The following TRAPPC8 variants were observed in gnomAD, a reference collection of about 807,000 sequenced individuals.
TRAPPC8 encodes trafficking protein particle complex subunit 8.
TRAPPC8 carries 54 observed loss-of-function variants against 174.3 expected under a neutral mutation model. That is an observed-to-expected ratio of 0.31 (90% CI 0.25 to 0.39). TRAPPC8 has a LOEUF of 0.39. Among genes scored for constraint, TRAPPC8 ranks in the 10% least tolerant of loss-of-function variants. The pLI is 1.00. For missense variants in TRAPPC8, 1,531 were observed against 1,699.1 expected (o/e 0.90, Z 1.74); for synonymous variants, 630 against 579.9 (o/e 1.09, Z -1.24).
chr18:31,830,654 A>G lies in TRAPPC8; in HGVS notation c.*101T>C, dbSNP rs2032304986. The G allele has an allele frequency of 1.0e-6, 1 of 977,844 alleles. No homozygotes were observed. Among genetic ancestry groups the G allele is most frequent in the Non-Finnish European group, 1.5e-6 (1 of 665,292 alleles). 60.6% of individuals were successfully genotyped at this position (977,844 alleles called of 1,614,324 possible). On this transcript the variant is annotated 3_prime_UTR_variant, in exon 29 of 29. Coordinates refer to ENST00000283351, the MANE Select transcript of TRAPPC8 (RefSeq NM_014939.5). ...TCAAAGTATTTTGCAGGGATCAGAT[A>G]TCAATCAACCTCCATAACAAGTTAG...
At chr18:31,882,110 C>T (rs1041211669) in intron 12 of TRAPPC8, among the ~76,000 whole-genome samples, 2 of 152,002 alleles carry the variant, frequency 1.3e-5, no homozygotes, top group Non-Finnish European at 2.9e-5. Context: ...AGGTATGTAC[C>T]CAAAGAAAAG....
chr18:31,854,402 G>T (rs1199986003), intron 21 of TRAPPC8, among the ~76,000 whole-genome samples: 1 of 152,010 alleles, frequency 6.6e-6, no homozygotes, highest in African/African-American at 2.4e-5. Flanking sequence ...TAAGTAGCAT[G>T]TATTTTTTTA....
intron 9 of TRAPPC8, among the ~76,000 whole-genome samples, chr18:31,901,987 T>C (rs572550568): frequency 4.6e-5 from 7 of 152,334 alleles, no homozygotes; most frequent in Admixed American, 3.3e-4. Flanking sequence ...TCTTTGTCAC[T>C]GTAGTATTTG....
chr18:31,832,912 A>T (rs919897638), intron 27 of TRAPPC8, among the ~76,000 whole-genome samples: 1 of 152,254 alleles, frequency 6.6e-6, no homozygotes, highest in Non-Finnish European at 1.5e-5. Context: ...TAGTAACCGT[A>T]TAAGTTCATA....
Position 31,909,705 on chromosome 18 carries a change from T to C in TRAPPC8, c.827A>G (p.Asn276Ser), listed in dbSNP as rs759010143. ...ATCTAATCCATCCAATGAAAGCAAG[T>C]TATTATCAGAATTCTTATTTGAAGT... ...TITSNKNSDN[N>S]LLSLDGLDNE... The change falls in exon 6 of 29, where the codon AAC (asparagine) becomes AGC (serine). Residue 276 changes from asparagine to serine, a missense_variant. Physicochemically the swap from Asn to Ser is conservative, Grantham distance 46. Transcript: ENST00000283351. 8 of 1,601,200 alleles carry C rather than the reference T, an allele frequency of 5.0e-6. No homozygotes were observed. Among genetic ancestry groups the C allele is most frequent in the Non-Finnish European group, 6.8e-6 (8 of 1,176,482 alleles).
At chr18:31,851,281 T>C (rs2033689799) in intron 24 of TRAPPC8, among the ~76,000 whole-genome samples, 1 of 152,114 alleles carries the variant, frequency 6.6e-6, no homozygotes, top group Non-Finnish European at 1.5e-5. Context: ...ACCCAAGATA[T>C]AATCAACCAG....
chr18:31,910,682 T>C (rs961184114), intron 5 of TRAPPC8, among the ~76,000 whole-genome samples: 7 of 152,210 alleles, frequency 4.6e-5, no homozygotes, highest in African/African-American at 1.7e-4. Context: ...GACGCAGTCA[T>C]TCGTAAGTTT....
chr18:31,921,976 CT>C (rs1184730870), intron 2 of TRAPPC8, among the ~76,000 whole-genome samples: 2 of 152,194 alleles, frequency 1.3e-5, no homozygotes, highest in African/African-American at 4.8e-5. Flanking sequence ...ATGAGTGCTT[CT>C]GCCTCTTTAA....
At chr18:31,931,791 G>T (rs1213111821) in intron 1 of TRAPPC8, among the ~76,000 whole-genome samples, 1 of 152,124 alleles carries the variant, frequency 6.6e-6, no homozygotes, top group Non-Finnish European at 1.5e-5. Flanking sequence ...CCTATGTTTG[G>T]AGTTGCCAGA....
At position 31,879,456 on chromosome 18, in the gene TRAPPC8, C is replaced by T. The variant is rs530692972; in HGVS notation, c.1729-4752G>A. 2.0e-5 allele frequency among the ~76,000 whole-genome samples: 3 copies of T among 152,172 alleles called. No homozygotes were observed. In the South Asian group the frequency reaches 6.2e-4, roughly 32 times the overall value. Reference sequence around the variant, plus strand: ...AACACAGAAACACAACATATCAATACCTCTTGGATACAGCAAAAGCAGTGT... The same window carrying T: ...AACACAGAAACACAACATATCAATATCTCTTGGATACAGCAAAAGCAGTGT... On this transcript the variant is annotated intron_variant, in intron 12 of 28. Transcript: ENST00000283351.
intron 27 of TRAPPC8, among the ~76,000 whole-genome samples, chr18:31,835,965 G>A (rs1389466875): frequency 2.0e-5 from 3 of 152,148 alleles, no homozygotes; most frequent in African/African-American, 7.2e-5. Flanking sequence ...TTCTTCAGGT[G>A]CCAAATCCAA....
At chr18:31,904,784 C>G (rs992197581) in intron 9 of TRAPPC8, among the ~76,000 whole-genome samples, 9 of 152,114 alleles carry the variant, frequency 5.9e-5, no homozygotes, top group Non-Finnish European at 1.3e-4. Flanking sequence ...AATTCTAGCA[C>G]TTTGGGAGGC....
intron 22 of TRAPPC8, among the ~76,000 whole-genome samples, chr18:31,853,040 A>C (rs553156909): frequency 6.6e-6 from 1 of 152,318 alleles, no homozygotes; most frequent in Admixed American, 6.5e-5. Context: ...TTACTATACG[A>C]ACACACTCTG....
intron 13 of TRAPPC8, 80 bp downstream of exon 13, chr18:31,874,400 G>GT (rs1256047184): frequency 2.9e-6 from 4 of 1,366,376 alleles, no homozygotes; most frequent in East Asian, 2.5e-5. Context: ...TAAAACTATC[G>GT]TAAGATATGG....
intron 9 of TRAPPC8, among the ~76,000 whole-genome samples, chr18:31,906,944 A>G (rs1360118975): frequency 6.6e-6 from 1 of 152,156 alleles, no homozygotes; most frequent in Non-Finnish European, 1.5e-5. Flanking sequence ...TGATGTATGA[A>G]GTCATACATC....
chr18:31,936,258 A>G (rs2038092659), intron 1 of TRAPPC8, among the ~76,000 whole-genome samples: 2 of 151,608 alleles, frequency 1.3e-5, no homozygotes, highest in Non-Finnish European at 2.9e-5. Flanking sequence ...CAAGAGTTCA[A>G]GAACAGCCTG....
chr18:31,915,318 G>A (rs1057385833), intron 4 of TRAPPC8, among the ~76,000 whole-genome samples: 16 of 151,170 alleles, frequency 1.1e-4, no homozygotes, highest in African/African-American at 2.9e-4. Context: ...AAAATTAGCC[G>A]GGCGTAGTGT....
intron 17 of TRAPPC8, 95 bp from the exon 18 acceptor site, chr18:31,867,070 G>C (rs1187396845): frequency 1.5e-6 from 2 of 1,308,862 alleles, no homozygotes; most frequent in Non-Finnish European, 2.1e-6. Flanking sequence ...ATAAACTCAT[G>C]ACCTAAACTT....
At chr18:31,890,970 T>A in intron 11 of TRAPPC8, 104 bp from the exon 12 acceptor site, 1 of 1,101,818 alleles carries the variant, frequency 9.1e-7, no homozygotes, top group Middle Eastern at 2.6e-4. Flanking sequence ...GCATATCCAA[T>A]GTTTAACTTA....
Sources: allele counts gnomAD v4.1 joint callset (sites outside exome capture counted in the v4.1 genomes callset), GRCh38; gene constraint gnomAD v4.1.1; transcripts MANE v1.5; gene names NCBI Gene and HGNC (gene_info 2026-07-23, HGNC 2026-07-21).